The following ALPK3 variants were observed in gnomAD, a reference collection of about 807,000 sequenced individuals.
The protein encoded by ALPK3 is alpha kinase 3.
In ALPK3, 102 loss-of-function variants were observed where a neutral mutation model predicts 140.0. That is an observed-to-expected ratio of 0.73 (90% CI 0.62 to 0.86). The LOEUF (loss-of-function observed/expected upper bound fraction) is 0.86, where lower values mean the gene tolerates loss of function less well. Ranked by LOEUF, ALPK3 falls within the 40% of genes least tolerant of loss-of-function variation. The probability of loss-of-function intolerance (pLI) is 0.00; values close to 1 mark genes in which losing one functional copy is unlikely to be tolerated. For synonymous variants in ALPK3, 938 were observed against 898.5 expected (o/e 1.04, Z -0.79); for missense variants, 2,254 against 2,208.2 (o/e 1.02, Z -0.42).
intron 3 of ALPK3, among the ~76,000 whole-genome samples, chr15:84,833,784 G>A (rs891288): frequency 0.012 from 1,865 of 152,270 alleles, 132 homozygotes; most frequent in Admixed American, 0.11. Context: ...CAAGGCCCTG[G>A]GGTTCTTCCA....
chr15:84,867,186 G>C, intron 12 of ALPK3, 131 bp from the exon 13 acceptor site: 1 of 669,460 alleles, frequency 1.5e-6, no homozygotes, highest in Non-Finnish European at 2.4e-6. Context: ...AGCCTGGGCT[G>C]GTTCTAAGCC....
chr15:84,862,282 T>G (rs934276733), intron 9 of ALPK3, among the ~76,000 whole-genome samples: 1 of 152,078 alleles, frequency 6.6e-6, no homozygotes, highest in African/African-American at 2.4e-5. Context: ...AACAAAGTAA[T>G]TCTGGTATTC....
chr15:84,848,140 T>A (rs1371071416), intron 5 of ALPK3, among the ~76,000 whole-genome samples: 1 of 151,828 alleles, frequency 6.6e-6, no homozygotes, highest in African/African-American at 2.4e-5. Context: ...AGAAGGAAAC[T>A]TGAAACATCA....
Position 84,817,502 on chromosome 15 carries a change from CG to C in ALPK3, c.55del (p.Ala19ArgfsTer90). ...PSRGWGAGGRSGAGGDGEDDG... is the reference protein window; with the variant it reads ...PSRGWGAGGRXGAGGDGEDDG... Reference sequence around the variant, plus strand: ...CGGGGCTGGGGCGCGGGTGGGCGGTCGGGGGCGGGGGGCGACGGTGAGGACG... The same window carrying C: ...CGGGGCTGGGGCGCGGGTGGGCGGTCGGGGCGGGGGGCGACGGTGAGGACG... On this transcript the variant is annotated frameshift_variant, in exon 1 of 14. Transcript: ENST00000258888. LOFTEE classifies it high-confidence loss of function. 3.3e-6 allele frequency: 2 copies of C among 602,156 alleles called. No homozygotes were observed. The highest frequency in any genetic ancestry group is 1.8e-5 in the South Asian group (1 of 56,658). The allele number at this position is 602,156 out of a possible 1,614,324, so 37.3% of individuals were successfully genotyped here. A position where few individuals can be genotyped will look rare whatever the true frequency, so the allele number is the denominator to read the frequency against.
chr15:84,858,644 CAGAT>C, intron 6 of ALPK3, 89 bp downstream of exon 6: 1 of 1,456,550 alleles, frequency 6.9e-7, no homozygotes, highest in South Asian at 1.4e-5. Context: ...TACCCCATGA[CAGAT>C]AGCATATCCC....
At chr15:84,817,649 G>A (rs1963376749) in intron 1 of ALPK3, 54 bp downstream of exon 1, 1 of 1,437,824 alleles carries the variant, frequency 7.0e-7, no homozygotes, top group Admixed American at 2.6e-5. Context: ...CCTGGGATCA[G>A]TCCCTGTGAG....
chr15:84,868,791 T>C lies in ALPK3; in HGVS notation c.*335T>C. 3.0e-6 allele frequency: 1 copy of C among 337,046 alleles called. No individual in the cohort carries two copies. Among genetic ancestry groups the C allele is most frequent in the Non-Finnish European group, 5.6e-6 (1 of 179,874 alleles). 20.9% of individuals were successfully genotyped at this position (337,046 alleles called of 1,614,324 possible). On this transcript the variant is annotated 3_prime_UTR_variant, in exon 14 of 14. Coordinates refer to ENST00000258888, the MANE Select transcript of ALPK3 (RefSeq NM_020778.5). ...TCCCCTGAGTCCTCTGCATGAGTTC[T>C]GCACCCCAAGCCCTTGCCCCAGCCC...
In ALPK3 at chr15:84,817,377, G is replaced by C. The variant is rs1459590993; in HGVS notation, c.-76G>C. The C allele has an allele frequency of 1.6e-6, 2 of 1,220,514 alleles. No individual in the cohort carries two copies. The highest frequency in any genetic ancestry group is 1.0e-6 in the Non-Finnish European group (1 of 982,084). The allele number at this position is 1,220,514 out of a possible 1,614,324, so 75.6% of individuals were successfully genotyped here. On this transcript the variant is annotated 5_prime_UTR_variant, in exon 1 of 14. Transcript: ENST00000258888. ...GGGCGGGAGCGGCGGCGGCGGGCAG[G>C]GGCCCGGGGGCCGGGGCCTGGAGGA... is the stretch of plus-strand genomic sequence containing the variant.
At chr15:84,817,643 G>C (rs1181379212) in intron 1 of ALPK3, 48 bp downstream of exon 1, 1 of 1,457,322 alleles carries the variant, frequency 6.9e-7, no homozygotes, top group Non-Finnish European at 9.0e-7. Flanking sequence ...CGATGCCCTG[G>C]GATCAGTCCC....
In ALPK3 at chr15:84,854,978, T is replaced by G. The variant is rs188949314; in HGVS notation, c.1654-1414T>G. Among the ~76,000 whole-genome samples the G allele has an allele frequency of 3.9e-4, 59 of 152,368 alleles. No homozygotes were observed. In the East Asian group the frequency reaches 9.4e-3, roughly 24 times the overall value. On this transcript the variant is annotated intron_variant, in intron 5 of 13. Coordinates refer to ENST00000258888, the MANE Select transcript of ALPK3 (RefSeq NM_020778.5). ...TTGGTTGACTACATTTGTTCCCTGG[T>G]GATTTCCTCAAGCAGGGCTTGTGGG...
chr15:84,826,831 C>T (rs1183647952), intron 2 of ALPK3, among the ~76,000 whole-genome samples: 3 of 152,148 alleles, frequency 2.0e-5, no homozygotes, highest in African/African-American at 4.8e-5. Context: ...GCTGGCTTTC[C>T]AAGGCTGCTT....
At chr15:84,852,628 A>G in intron 5 of ALPK3, 1 of 241,330 alleles carries the variant, frequency 4.1e-6, no homozygotes. Context: ...AAAATTTATC[A>G]ATTGTTTATT....
At chr15:84,826,614 T>C (rs1343627084) in intron 2 of ALPK3, among the ~76,000 whole-genome samples, 1 of 152,152 alleles carries the variant, frequency 6.6e-6, no homozygotes, top group Non-Finnish European at 1.5e-5. Context: ...ACTGTAAGCC[T>C]GAGCATTGTT....
Position 84,838,962 on chromosome 15 carries a change from C to A in ALPK3, c.305-18C>A, listed in dbSNP as rs1896864. 1,052,286 of 1,608,924 alleles carry A rather than the reference C, an allele frequency of 0.65. 346,751 individuals carry two copies. The highest frequency in any genetic ancestry group is 0.92 in the East Asian group (41,121 of 44,836). ...GGAACTGGCCTTGCTGTAACCCAGTCTCCTGCTTCTTTCTCAGGATACCCA... is the reference window on the plus strand; with the variant it reads ...GGAACTGGCCTTGCTGTAACCCAGTATCCTGCTTCTTTCTCAGGATACCCA... On this transcript the variant is annotated intron_variant, in intron 3 of 13. Transcript: ENST00000258888.
intron 6 of ALPK3, among the ~76,000 whole-genome samples, chr15:84,858,839 G>A (rs1178250789): frequency 1.3e-5 from 2 of 152,228 alleles, no homozygotes; most frequent in African/African-American, 4.8e-5. Context: ...GGCTTTAGTA[G>A]CGTTCTAGCT....
Position 84,868,861 on chromosome 15 carries a change from A to G in ALPK3, c.*405A>G. The G allele has an allele frequency of 4.9e-6, 1 of 205,556 alleles. No individual in the cohort carries two copies. Among genetic ancestry groups the G allele is most frequent in the Admixed American group, 5.2e-5 (1 of 19,242 alleles). 12.7% of individuals were successfully genotyped at this position (205,556 alleles called of 1,614,324 possible). On this transcript the variant is annotated 3_prime_UTR_variant, in exon 14 of 14. Transcript: ENST00000258888. ...CAATCTGAGTGAGGACATGCAGGCCAACTTTTACCCTCCTGCATTTGCCTG... is the reference window on the plus strand; with the variant it reads ...CAATCTGAGTGAGGACATGCAGGCCGACTTTTACCCTCCTGCATTTGCCTG...
chr15:84,860,607 A>G (rs989156099), intron 9 of ALPK3, among the ~76,000 whole-genome samples: 1 of 152,250 alleles, frequency 6.6e-6, no homozygotes, highest in African/African-American at 2.4e-5. Flanking sequence ...TACAAGAGAC[A>G]GGCTAAGGCT....
chr15:84,828,331 G>C (rs1963511620), intron 3 of ALPK3, among the ~76,000 whole-genome samples: 1 of 152,174 alleles, frequency 6.6e-6, no homozygotes, highest in African/African-American at 2.4e-5. Context: ...ATACTCCTTG[G>C]AAGGGGAAGA....
chr15:84,864,809 T>C, intron 12 of ALPK3, 144 bp downstream of exon 12: 4 of 919,844 alleles, frequency 4.3e-6, no homozygotes, highest in Non-Finnish European at 6.5e-6. Context: ...TCTTGTAAAG[T>C]AGATTGGACA....
Sources: allele counts gnomAD v4.1 joint callset (sites outside exome capture counted in the v4.1 genomes callset), GRCh38; gene constraint gnomAD v4.1.1; transcripts MANE v1.5; gene names NCBI Gene and HGNC (gene_info 2026-07-23, HGNC 2026-07-21).